The following RPS6KA3 variants were observed in gnomAD, a reference collection of about 807,000 sequenced individuals.
The protein encoded by RPS6KA3 is ribosomal protein S6 kinase alpha-3.
Under a neutral mutation model 67.2 loss-of-function variants are expected in RPS6KA3, and 4 were observed. The observed-to-expected ratio is 0.06, with a 90% CI of 0.03 to 0.14. The LOEUF is 0.14. Ranked by LOEUF, RPS6KA3 falls within the 10% of genes least tolerant of loss-of-function variation. The pLI is 1.00. For synonymous variants in RPS6KA3, 182 were observed against 183.7 expected (o/e 0.99, Z 0.07); for missense variants, 204 against 559.0 (o/e 0.36, Z 6.40).
At chrX:20,221,993 T>C (rs1298725596) in intron 2 of RPS6KA3, among the ~76,000 whole-genome samples, 1 of 112,790 alleles carries the variant, frequency 8.9e-6, no homozygotes, top group Non-Finnish European at 1.9e-5. Context: ...GGGCCAAATC[T>C]GCCCATGTCC....
At chrX:20,234,978 C>A (rs897965130) in intron 1 of RPS6KA3, among the ~76,000 whole-genome samples, 164 bp from the exon 2 acceptor site, 3 of 111,310 alleles carry the variant, frequency 2.7e-5, no homozygotes, top group Non-Finnish European at 5.7e-5. Context: ...AAATTTGCAA[C>A]AGGATGTGCT....
At position 20,204,017 on chromosome X, in the gene RPS6KA3, C is replaced by G; in HGVS notation, c.325+5G>C. On this transcript the variant is annotated splice_donor_5th_base_variant and intron_variant, in intron 4 of 21. Transcript: ENST00000379565. ...ATGAACATTACAAATAGCAGCAACA[C>G]TTACCTTTCAGTGTGGCCTTCTTCA... The G allele has an allele frequency of 8.4e-7, 1 of 1,190,453 alleles. No individual in the cohort carries two copies. Among genetic ancestry groups the G allele is most frequent in the Non-Finnish European group, 1.1e-6 (1 of 875,925 alleles).
At chrX:20,232,372 C>T (rs780734137) in intron 2 of RPS6KA3, among the ~76,000 whole-genome samples, 190 of 111,517 alleles carry the variant, frequency 1.7e-3, no homozygotes, top group Non-Finnish European at 3.0e-3. Flanking sequence ...CAGGAGTTTG[C>T]GACCAGCCTG....
rs750991502 is a variant in RPS6KA3 at position 20,169,563 on chromosome X, G to A, written c.1354-72C>T. ...TAAACATTAATTGTTTATAGCTACA[G>A]ACCTTGGGTATTACCTCATGTAAAT... On this transcript the variant is annotated intron_variant, in intron 15 of 21. Coordinates refer to ENST00000379565, the MANE Select transcript of RPS6KA3 (RefSeq NM_004586.3). 18 of 640,353 alleles carry A rather than the reference G, an allele frequency of 2.8e-5. No homozygotes were observed. The South Asian group carries it at 3.7e-4, about 13-fold the overall frequency. 52.8% of individuals were successfully genotyped at this position (640,353 alleles called of 1,213,427 possible).
chrX:20,228,549 G>A, intron 2 of RPS6KA3, among the ~76,000 whole-genome samples: 1 of 110,920 alleles, frequency 9.0e-6, no homozygotes, highest in East Asian at 2.8e-4. Flanking sequence ...AGCTTCTCTG[G>A]TTTTCTCTGT....
At chrX:20,229,582 A>G (rs1020030324) in intron 2 of RPS6KA3, among the ~76,000 whole-genome samples, 2 of 112,456 alleles carry the variant, frequency 1.8e-5, no homozygotes, top group African/African-American at 6.5e-5. Context: ...CTAAGTTTGG[A>G]GTAATTTGTA....
At position 20,168,638 on chromosome X, in the gene RPS6KA3, A is replaced by G. The variant is rs1175523184; in HGVS notation, c.1443+764T>C. Among the ~76,000 whole-genome samples, 3 of 111,678 alleles carry G rather than the reference A, an allele frequency of 2.7e-5. No homozygotes were observed. In the East Asian group the frequency reaches 8.4e-4, roughly 31 times the overall value. Reference sequence around the variant, plus strand: ...GTGAGACTAGTCAATATTGAATATGAACTAATAGTAATATTAACACTGAAC... The same window carrying G: ...GTGAGACTAGTCAATATTGAATATGGACTAATAGTAATATTAACACTGAAC... On this transcript the variant is annotated intron_variant, in intron 16 of 21. Transcript: ENST00000379565.
intron 14 of RPS6KA3, among the ~76,000 whole-genome samples, chrX:20,173,613 A>T: frequency 8.9e-6 from 1 of 112,248 alleles, no homozygotes; most frequent in African/African-American, 3.2e-5. Context: ...AGCTTTGTAT[A>T]TGTTAAAACT....
intron 7 of RPS6KA3, among the ~76,000 whole-genome samples, chrX:20,192,408 GA>G (rs368168798): frequency 0.026 from 2,388 of 92,049 alleles, 74 homozygotes; most frequent in African/African-American, 0.086. Flanking sequence ...GGAGCTAAAA[GA>G]AAAAAAAAAA....
chrX:20,246,639 G>A (rs892314553), intron 1 of RPS6KA3, among the ~76,000 whole-genome samples: 1 of 111,748 alleles, frequency 8.9e-6, no homozygotes, highest in South Asian at 3.7e-4. Context: ...TGCTGTGACT[G>A]TGGCAAAAAT....
chrX:20,161,797 A>T, intron 19 of RPS6KA3, 36 bp from the exon 20 acceptor site: 2 of 515,105 alleles, frequency 3.9e-6, no homozygotes, highest in Non-Finnish European at 5.6e-6. Flanking sequence ...TAATGAATAA[A>T]ATTTATTACT....
intron 19 of RPS6KA3, among the ~76,000 whole-genome samples, 192 bp from the exon 20 acceptor site, chrX:20,161,953 A>G (rs941425123): frequency 2.7e-5 from 3 of 109,273 alleles, no homozygotes; most frequent in Non-Finnish European, 5.7e-5. Context: ...TTAATATACA[A>G]ATTATTGTAT....
chrX:20,155,247 G>A lies in RPS6KA3; in HGVS notation c.*151C>T, dbSNP rs2067163828. ...AACAATCATTTAAAGCGAGAAGAGA[G>A]GAAAGCAGGAGCAGCAGCAGGAACA... On this transcript the variant is annotated 3_prime_UTR_variant, in exon 22 of 22. Coordinates refer to ENST00000379565, the MANE Select transcript of RPS6KA3 (RefSeq NM_004586.3). 1 of 629,257 alleles carries A rather than the reference G, an allele frequency of 1.6e-6. No individual in the cohort carries two copies. The highest frequency in any genetic ancestry group is 2.7e-6 in the Non-Finnish European group (1 of 377,050). 51.9% of individuals were successfully genotyped at this position (629,257 alleles called of 1,213,427 possible). A position where few individuals can be genotyped will look rare whatever the true frequency, so the allele number is the denominator to read the frequency against.
At chrX:20,187,655 G>A (rs373440780) in intron 9 of RPS6KA3, among the ~76,000 whole-genome samples, 173 bp downstream of exon 9, 1 of 111,638 alleles carries the variant, frequency 9.0e-6, no homozygotes, top group East Asian at 2.8e-4. Context: ...TGAGATAGAC[G>A]CAGCTAACAG....
intron 2 of RPS6KA3, among the ~76,000 whole-genome samples, chrX:20,221,737 C>T (rs1214682414): frequency 8.9e-6 from 1 of 112,393 alleles, no homozygotes; most frequent in Non-Finnish European, 1.9e-5. Flanking sequence ...GTTGAAAATT[C>T]TATTATACAA....
rs185935961 is a variant in RPS6KA3, at chrX:20,204,304, T to G, written c.244-201A>C. On this transcript the variant is annotated intron_variant, in intron 3 of 21. Transcript: ENST00000379565. Reference sequence around the variant, plus strand: ...TGGGGTGTCAATATAAGGGAATACATTTTTTTCATTTTGTTGTTTGCCAGT... The same window carrying G: ...TGGGGTGTCAATATAAGGGAATACAGTTTTTTCATTTTGTTGTTTGCCAGT... 2.9e-3 allele frequency among the ~76,000 whole-genome samples: 327 copies of G among 111,994 alleles called. 3 individuals are homozygous for G. Among genetic ancestry groups the G allele is most frequent in the African/African-American group, 0.01 (318 of 30,845 alleles).
chrX:20,184,507 G>C (rs1371220499), intron 10 of RPS6KA3, among the ~76,000 whole-genome samples: 2 of 107,111 alleles, frequency 1.9e-5, no homozygotes, highest in South Asian at 4.3e-4. Flanking sequence ...CCAGGCTCAA[G>C]TGATCCTCTC....
At chrX:20,166,133 G>A (rs983407084) in intron 17 of RPS6KA3, among the ~76,000 whole-genome samples, 3 of 112,107 alleles carry the variant, frequency 2.7e-5, no homozygotes, top group African/African-American at 9.7e-5. Flanking sequence ...AAGCAAACTT[G>A]CAGATTAGTG....
intron 7 of RPS6KA3, 22 bp downstream of exon 7, chrX:20,193,465 A>G (rs1473851435): frequency 1.1e-6 from 1 of 893,906 alleles, no homozygotes; most frequent in Non-Finnish European, 1.6e-6. Flanking sequence ...ATTGTATTCA[A>G]CTTAGTAGCA....
Sources: allele counts gnomAD v4.1 joint callset (sites outside exome capture counted in the v4.1 genomes callset), GRCh38; gene constraint gnomAD v4.1.1; transcripts MANE v1.5; gene names NCBI Gene and HGNC (gene_info 2026-07-23, HGNC 2026-07-21).